TEAD1: variants seen among roughly 807,000 people sequenced by gnomAD.
The protein encoded by TEAD1 is TEA domain transcription factor 1.
TEAD1 carries 9 observed loss-of-function variants against 54.9 expected under a neutral mutation model. That is an observed-to-expected ratio of 0.16 (90% confidence interval 0.10 to 0.29). TEAD1 has a LOEUF of 0.29. Ranked by LOEUF, TEAD1 falls within the 10% of genes least tolerant of loss-of-function variation. The pLI is 1.00. For synonymous variants in TEAD1, 200 were observed against 187.8 expected, an observed-to-expected ratio of 1.07 and a Z score of -0.53; for missense variants, 387 against 535.9, an observed-to-expected ratio of 0.72 and a Z score of 2.74.
intron 10 of TEAD1, among the ~76,000 whole-genome samples, chr11:12,924,648 G>C (rs528692807): frequency 2.6e-4 from 40 of 152,048 alleles, no homozygotes; most frequent in African/African-American, 8.9e-4. Context: ...TATTGCAAGG[G>C]TATAGTAGTA....
At chr11:12,676,030 A>T (rs1276981640) in intron 2 of TEAD1, among the ~76,000 whole-genome samples, 1 of 152,214 alleles carries the variant, frequency 6.6e-6, no homozygotes, top group African/African-American at 2.4e-5. Flanking sequence ...AGCCCTGGAA[A>T]CTTAGAGACA....
At chr11:12,913,039 A>G (rs1449167833) in intron 10 of TEAD1, among the ~76,000 whole-genome samples, 1 of 151,952 alleles carries the variant, frequency 6.6e-6, no homozygotes, top group African/African-American at 2.4e-5. Flanking sequence ...CACCTTTACC[A>G]TTTCACCTCA....
intron 5 of TEAD1, among the ~76,000 whole-genome samples, chr11:12,871,195 C>T (rs1947737942): frequency 6.6e-6 from 1 of 152,208 alleles, no homozygotes; most frequent in Admixed American, 6.5e-5. Flanking sequence ...AGTTAGAGGT[C>T]TCCCTTGGAC....
chr11:12,875,066 G>A (rs186695007), intron 5 of TEAD1, among the ~76,000 whole-genome samples: 3 of 152,244 alleles, frequency 2.0e-5, no homozygotes, highest in East Asian at 1.9e-4. Context: ...GCATAATTCC[G>A]TATTAACCTA....
At chr11:12,934,500 C>A (rs1293681577) in intron 12 of TEAD1, among the ~76,000 whole-genome samples, 3 of 151,426 alleles carry the variant, frequency 2.0e-5, no homozygotes, top group East Asian at 3.9e-4. Flanking sequence ...ATGTAACAAA[C>A]CTGCACGTTG....
chr11:12,678,094 T>C (rs1397351026), intron 2 of TEAD1, among the ~76,000 whole-genome samples: 1 of 152,178 alleles, frequency 6.6e-6, no homozygotes, highest in African/African-American at 2.4e-5. Context: ...TAAATAAATA[T>C]GAAAGCTGTG....
At chr11:12,696,335 C>G (rs983391935) in intron 2 of TEAD1, among the ~76,000 whole-genome samples, 5 of 152,208 alleles carry the variant, frequency 3.3e-5, no homozygotes, top group Non-Finnish European at 7.3e-5. Context: ...TGTCTCCTGC[C>G]TCTTTTGGGA....
chr11:12,930,332 G>C lies in TEAD1; in HGVS notation c.1167+6G>C. 6.2e-7 allele frequency: 1 copy of C among 1,614,080 alleles called. No homozygotes were observed. Among genetic ancestry groups the C allele is most frequent in the Non-Finnish European group, 8.5e-7 (1 of 1,179,974 alleles). On this transcript the variant is annotated splice_donor_region_variant and intron_variant, in intron 12 of 12. Coordinates refer to ENST00000527636, the MANE Select transcript of TEAD1 (RefSeq NM_021961.6). ...AAAACTTCACAATTTTATTGGTAAT[G>C]GTTTTGTCTCTTTCCTCTGTGGGCA...
At chr11:12,819,187 A>G (rs1488819151) in intron 3 of TEAD1, among the ~76,000 whole-genome samples, 1 of 152,132 alleles carries the variant, frequency 6.6e-6, no homozygotes, top group Non-Finnish European at 1.5e-5. Context: ...GCCAATTAAG[A>G]GAAAGGTTTG....
At position 12,826,209 on chromosome 11, in the gene TEAD1, G is replaced by A. The variant is rs1026065569; in HGVS notation, c.203-36041G>A. On this transcript the variant is annotated intron_variant, in intron 3 of 12. Transcript: ENST00000527636. ...GTGGGTGAAAATGGGTGAAAAGTGA[G>A]CACATTATTTAACTATATTCTCTTG... 9.9e-5 allele frequency among the ~76,000 whole-genome samples: 15 copies of A among 152,186 alleles called. 1 individual carries two copies. The highest frequency in any genetic ancestry group is 7.9e-4 in the Admixed American group (12 of 15,272).
At position 12,764,126 on chromosome 11, in the gene TEAD1, C is replaced by T. The variant is rs377619669; in HGVS notation, c.-54-53C>T. On this transcript the variant is annotated intron_variant, in intron 2 of 12. Coordinates refer to ENST00000527636, the MANE Select transcript of TEAD1 (RefSeq NM_021961.6). ...GAACTTGCACTAGAGCTAGCAAGAG[C>T]ATTATGTTTGTGGTTACCACATCCT... 1.3e-5 allele frequency: 15 copies of T among 1,140,336 alleles called. No homozygotes were observed. In the South Asian group the frequency reaches 2.0e-4, roughly 15 times the overall value. The allele number at this position is 1,140,336 out of a possible 1,614,324, so 70.6% of individuals were successfully genotyped here.
chr11:12,742,764 A>G (rs1944672479), intron 2 of TEAD1, among the ~76,000 whole-genome samples: 1 of 152,214 alleles, frequency 6.6e-6, no homozygotes, highest in South Asian at 2.1e-4. Flanking sequence ...TACTCCTCAC[A>G]TAGTGTCAAG....
At position 12,940,954 on chromosome 11, in the gene TEAD1, T is replaced by G. The variant is rs1233691537; in HGVS notation, c.*3732T>G. Reference sequence around the variant, plus strand: ...GAGCTGAAAGCACAGTCTACTCTCCTTCGTTTTGTCGATGAGAAAGTTGAG... The same window carrying G: ...GAGCTGAAAGCACAGTCTACTCTCCGTCGTTTTGTCGATGAGAAAGTTGAG... On this transcript the variant is annotated 3_prime_UTR_variant, in exon 13 of 13. Coordinates refer to ENST00000527636, the MANE Select transcript of TEAD1 (RefSeq NM_021961.6). The G allele has an allele frequency of 6.6e-6, 1 of 152,224 alleles. No homozygotes were observed. The highest frequency in any genetic ancestry group is 1.9e-4 in the East Asian group (1 of 5,198). 9.4% of individuals were successfully genotyped at this position (152,224 alleles called of 1,614,324 possible).
chr11:12,697,214 T>C (rs1000074257), intron 2 of TEAD1, among the ~76,000 whole-genome samples: 1 of 152,140 alleles, frequency 6.6e-6, no homozygotes, highest in African/African-American at 2.4e-5. Flanking sequence ...CAGTGGCCTT[T>C]GGCAAGTGCT....
In TEAD1 at chr11:12,762,775, G is replaced by A. The variant is rs76218196; in HGVS notation, c.-54-1404G>A. Among the ~76,000 whole-genome samples, 29 of 152,278 alleles carry A rather than the reference G, an allele frequency of 1.9e-4. No homozygotes were observed. The East Asian group carries it at 5.4e-3, about 28-fold the overall frequency. ...CTGGCATCTGTTGATATACACAGGT[G>A]GGGGAGGACAGGGGCACAGGATACA... is the stretch of plus-strand genomic sequence containing the variant. On this transcript the variant is annotated intron_variant, in intron 2 of 12. Coordinates refer to ENST00000527636, the MANE Select transcript of TEAD1 (RefSeq NM_021961.6).
In TEAD1 at chr11:12,883,406, T is replaced by C. The variant is rs543381637; in HGVS notation, c.699+281T>C. 3.0e-3 allele frequency among the ~76,000 whole-genome samples: 451 copies of C among 152,300 alleles called. 2 individuals are homozygous for C. The highest frequency in any genetic ancestry group is 5.0e-3 in the Non-Finnish European group (337 of 68,022). The stretch of plus-strand genomic sequence containing the variant: ...AGAGAGGGACGTTTACAAGCTCTTA[T>C]GTTTTGTAAAATTTAACAAGAAGTA... On this transcript the variant is annotated intron_variant, in intron 9 of 12. Transcript: ENST00000527636.
At chr11:12,802,645 T>C (rs1036256960) in intron 3 of TEAD1, among the ~76,000 whole-genome samples, 10 of 152,150 alleles carry the variant, frequency 6.6e-5, no homozygotes, top group Non-Finnish European at 8.8e-5. Flanking sequence ...CCAGGTGTTA[T>C]GAATCCAGGT....
intron 2 of TEAD1, among the ~76,000 whole-genome samples, chr11:12,692,337 T>C (rs1352060676): frequency 6.6e-5 from 10 of 152,190 alleles, no homozygotes; most frequent in Admixed American, 6.5e-4. Context: ...CTTTTTTGTT[T>C]TGTTGGTGAA....
intron 3 of TEAD1, among the ~76,000 whole-genome samples, chr11:12,773,203 T>A (rs1407740503): frequency 1.3e-5 from 2 of 152,230 alleles, no homozygotes; most frequent in African/African-American, 4.8e-5. Flanking sequence ...CTGATTCCAG[T>A]GTTCAGGCAT....
Sources: gnomAD v4.1 joint callset for allele counts (sites outside exome capture counted in the v4.1 genomes callset) on GRCh38, gnomAD v4.1.1 for gene constraint, MANE v1.5 for transcripts, NCBI Gene and HGNC (gene_info 2026-07-23, HGNC 2026-07-21) for gene names.